Variants in RNF41 observed in about 807,000 individuals in gnomAD.
The protein encoded by RNF41 is E3 ubiquitin-protein ligase NRDP1.
RNF41 carries 4 observed loss-of-function variants against 33.0 expected under a neutral mutation model. The observed-to-expected ratio is 0.12, with a 90% CI of 0.06 to 0.28. RNF41 has a LOEUF of 0.28. Ranked by LOEUF, RNF41 falls within the 10% of genes least tolerant of loss-of-function variation. The pLI, the probability that RNF41 is intolerant of heterozygous loss-of-function variation, is 1.00. For synonymous variants in RNF41, 164 were observed against 153.2 expected, an observed-to-expected ratio of 1.07 and a Z score of -0.52; for missense variants, 228 against 432.6, an observed-to-expected ratio of 0.53 and a Z score of 4.19.
Position 56,213,673 on chromosome 12 carries a change from A to G in RNF41, c.90+285T>C, listed in dbSNP as rs923038143. On this transcript the variant is annotated intron_variant, in intron 3 of 6. Transcript: ENST00000345093. The stretch of plus-strand genomic sequence containing the variant: ...GAGGAAAGGAAGCTACCCAGCTACT[A>G]TCACAAGACAGAAACAAGCAGCTGA... Among the ~76,000 whole-genome samples, 7 of 152,320 alleles carry G rather than the reference A, an allele frequency of 4.6e-5. No individual in the cohort carries two copies. In the South Asian group the frequency reaches 8.3e-4, roughly 18 times the overall value.
intron 3 of RNF41, among the ~76,000 whole-genome samples, chr12:56,212,794 GGGAGTTA>G (rs1346088379): frequency 6.6e-6 from 1 of 152,174 alleles, no homozygotes; most frequent in Non-Finnish European, 1.5e-5. Context: ...GGGAGCCCCT[GGGAGTTA>G]GGTGAGCAGT....
intron 1 of RNF41, among the ~76,000 whole-genome samples, chr12:56,221,220 G>T (rs1352503764): frequency 6.6e-6 from 1 of 152,116 alleles, no homozygotes; most frequent in Non-Finnish European, 1.5e-5. Context: ...CTGCCAGAGA[G>T]CCAGGCTGCA....
Position 56,205,401 on chromosome 12 carries a change from C to T in RNF41, c.*1046G>A, listed in dbSNP as rs1422177418. ...AAAAATATAAAACACACCCCCATCCCTGTCCCACCCTATCCAGAACCCCCA... is the reference window on the plus strand; with the variant it reads ...AAAAATATAAAACACACCCCCATCCTTGTCCCACCCTATCCAGAACCCCCA... On this transcript the variant is annotated 3_prime_UTR_variant, in exon 7 of 7. Transcript: ENST00000345093. 1.3e-5 allele frequency: 2 copies of T among 152,032 alleles called. No individual in the cohort carries two copies. Among genetic ancestry groups the T allele is most frequent in the African/African-American group, 4.8e-5 (2 of 41,392 alleles). 9.4% of individuals were successfully genotyped at this position (152,032 alleles called of 1,614,324 possible).
rs1868310450 is a variant in RNF41, at chr12:56,208,158, C to T, written c.498+5G>A. ...ATATGTTCTCCCCCGTGTCTTGGGG[C>T]CTACCTGCTCCGCCAGCTGGTGTTT... On this transcript the variant is annotated splice_donor_5th_base_variant and intron_variant, in intron 5 of 6. Coordinates refer to ENST00000345093, the MANE Select transcript of RNF41 (RefSeq NM_005785.4). 1.2e-6 allele frequency: 2 copies of T among 1,614,166 alleles called. No homozygotes were observed. Among genetic ancestry groups the T allele is most frequent in the South Asian group, 1.1e-5 (1 of 91,082 alleles).
intron 3 of RNF41, among the ~76,000 whole-genome samples, chr12:56,211,291 C>G (rs1388017090): frequency 6.6e-6 from 1 of 151,928 alleles, no homozygotes; most frequent in Non-Finnish European, 1.5e-5. Context: ...TGAACCAAGA[C>G]TGCACCACTG....
rs1457922262 is a variant in RNF41, at chr12:56,206,710, G to A, written c.691C>T (p.Arg231Cys). ...PDAVLQAVIK[R>C]SLVESGCPAS... ...GGACAGCCACTCTCCACCAGGGAGC[G>A]CTTGATTACAGCCTGGAGCACAGCA... Residue 231 changes from arginine to cysteine, a missense_variant, in exon 7 of 7, where the codon CGC becomes TGC. This residue lies in a region of RNF41 where 199 missense variants were observed against 334.6 expected (regional missense o/e 0.59). Coordinates refer to ENST00000345093, the MANE Select transcript of RNF41 (RefSeq NM_005785.4). This position sits in a 1 kb window ranked among gnomAD's most constrained non-coding sequence, Gnocchi z 5.7. 5 of 1,614,078 alleles carry A rather than the reference G, an allele frequency of 3.1e-6. No individual in the cohort carries two copies. Among genetic ancestry groups the A allele is most frequent in the South Asian group, 1.1e-5 (1 of 91,078 alleles).
chr12:56,211,711 G>A (rs935523649), intron 3 of RNF41, among the ~76,000 whole-genome samples: 4 of 152,128 alleles, frequency 2.6e-5, no homozygotes, highest in Non-Finnish European at 2.9e-5. Context: ...GGTGGATGGC[G>A]CCTGTAATCC....
intron 1 of RNF41, 180 bp downstream of exon 1, chr12:56,221,580 C>A: frequency 6.5e-6 from 1 of 152,674 alleles, no homozygotes; most frequent in South Asian, 2.1e-4. Context: ...TCTCCAGAGC[C>A]CCCTTCTCAC....
At chr12:56,219,907 C>T (rs1477539035) in intron 1 of RNF41, among the ~76,000 whole-genome samples, 1 of 151,670 alleles carries the variant, frequency 6.6e-6, no homozygotes, top group Non-Finnish European at 1.5e-5. Context: ...GTCCCGGCTA[C>T]TGAGGAGGCT....
intron 6 of RNF41, chr12:56,207,024 GTTAC>G (rs1200458289): frequency 8.4e-7 from 1 of 1,185,392 alleles, no homozygotes; most frequent in African/African-American, 1.5e-5. Context: ...CTCTGTCTCT[GTTAC>G]TTTTCTTTGA....
chr12:56,217,669 C>A lies in RNF41; in HGVS notation c.-208-1056G>T, dbSNP rs373976073. Among the ~76,000 whole-genome samples, 5 of 152,298 alleles carry A rather than the reference C, an allele frequency of 3.3e-5. No individual in the cohort carries two copies. In the South Asian group the frequency reaches 1.0e-3, roughly 32 times the overall value. ...GACTGTGGCCTATCAGGAACCGGGT[C>A]GTACAGCAGGAGGTGAGCAGGAAAC... On this transcript the variant is annotated intron_variant, in intron 1 of 6. Transcript: ENST00000345093.
In RNF41 at chr12:56,206,423, T is replaced by C; in HGVS notation, c.*24A>G. On this transcript the variant is annotated 3_prime_UTR_variant, in exon 7 of 7. Transcript: ENST00000345093. This position sits in a 1 kb window ranked among gnomAD's most constrained non-coding sequence, Gnocchi z 5.7. Reference sequence around the variant, plus strand: ...GATGGGATTTTCTGATTTCCATCTCTTCCTGATAGCCAGTCGAGTTCTCTT... The same window carrying C: ...GATGGGATTTTCTGATTTCCATCTCCTCCTGATAGCCAGTCGAGTTCTCTT... 1 of 1,573,428 alleles carries C rather than the reference T, an allele frequency of 6.4e-7. No individual in the cohort carries two copies. Among genetic ancestry groups the C allele is most frequent in the Non-Finnish European group, 8.7e-7 (1 of 1,154,426 alleles).
rs1347877372 is a variant in RNF41, at chr12:56,204,135, TA to T, written c.*2311del. On this transcript the variant is annotated 3_prime_UTR_variant, in exon 7 of 7. Coordinates refer to ENST00000345093, the MANE Select transcript of RNF41 (RefSeq NM_005785.4). ...CTGCCTGCAAAGGAATTCTAGATTC[TA>T]AAGCAAAGTTGCTTGTGGGACAAAG... 1 of 152,230 alleles carries T rather than the reference TA, an allele frequency of 6.6e-6. No individual in the cohort carries two copies. Among genetic ancestry groups the T allele is most frequent in the Non-Finnish European group, 1.5e-5 (1 of 68,048 alleles). 9.4% of individuals were successfully genotyped at this position (152,230 alleles called of 1,614,324 possible).
intron 2 of RNF41, among the ~76,000 whole-genome samples, chr12:56,214,880 A>G (rs1868759117): frequency 6.6e-6 from 1 of 152,166 alleles, no homozygotes. Flanking sequence ...GACATTATAT[A>G]AGCACACATT....
intron 1 of RNF41, among the ~76,000 whole-genome samples, chr12:56,218,095 A>G (rs1354006672): frequency 6.6e-6 from 1 of 152,024 alleles, no homozygotes; most frequent in Non-Finnish European, 1.5e-5. Flanking sequence ...CTAGGATTAC[A>G]GGCACCCACC....
chr12:56,206,359 A>T lies in RNF41; in HGVS notation c.*88T>A. ...TGGCTCAGGTATAAGCCACAGTATT[A>T]AGAATGGTGGGTAGGACTCAGGTCC... On this transcript the variant is annotated 3_prime_UTR_variant, in exon 7 of 7. Coordinates refer to ENST00000345093, the MANE Select transcript of RNF41 (RefSeq NM_005785.4). The surrounding 1 kb of genome is among the most constrained non-coding windows in gnomAD (Gnocchi z 5.7). 1.7e-6 allele frequency: 2 copies of T among 1,146,106 alleles called. No individual in the cohort carries two copies. The highest frequency in any genetic ancestry group is 2.5e-6 in the Non-Finnish European group (2 of 792,114). 71.0% of individuals were successfully genotyped at this position (1,146,106 alleles called of 1,614,324 possible). A position where few individuals can be genotyped will look rare whatever the true frequency, so the allele number is the denominator to read the frequency against.
Position 56,207,500 on chromosome 12 carries a change from G to A in RNF41, c.602+146C>T. 1.4e-5 allele frequency: 11 copies of A among 769,686 alleles called. No individual in the cohort carries two copies. The South Asian group carries it at 1.6e-4, about 11-fold the overall frequency. The allele number at this position is 769,686 out of a possible 1,614,324, so 47.7% of individuals were successfully genotyped here. ...GCTAAGGGTTATCCTCTTCTCCTCT[G>A]CCCCTGTCCTTAATGCCAATATCTG... On this transcript the variant is annotated intron_variant, in intron 6 of 6. Coordinates refer to ENST00000345093, the MANE Select transcript of RNF41 (RefSeq NM_005785.4).
chr12:56,221,401 C>G (rs1869419668), intron 1 of RNF41, among the ~76,000 whole-genome samples: 1 of 152,170 alleles, frequency 6.6e-6, no homozygotes, highest in Non-Finnish European at 1.5e-5. Flanking sequence ...CCTGCCCAGG[C>G]TGGCCCCCGG....
chr12:56,206,744 C>G lies in RNF41; in HGVS notation c.657G>C (p.Ser219=). 1.2e-6 allele frequency: 2 copies of G among 1,614,106 alleles called. No homozygotes were observed. The highest frequency in any genetic ancestry group is 1.6e-4 in the Middle Eastern group (1 of 6,062). ...ARVTRWGGMI[S]TPDAVLQAVI... is the part of the protein sequence containing the mutation. ...CAGCCTGGAGCACAGCATCAGGAGTCGAGATCATCCCTCCCCAGCGGGTCA... is the reference window on the plus strand; with the variant it reads ...CAGCCTGGAGCACAGCATCAGGAGTGGAGATCATCCCTCCCCAGCGGGTCA... The change falls in exon 7 of 7, where the codon TCG becomes TCC. Residue 219 remains serine (S), a synonymous_variant. Transcript: ENST00000345093. The surrounding 1 kb of genome is among the most constrained non-coding windows in gnomAD (Gnocchi z 5.7).
Sources: gnomAD v4.1 joint callset for allele counts (sites outside exome capture counted in the v4.1 genomes callset) on GRCh38, gnomAD v4.1.1 for gene constraint, gnomAD v4.1.1 regional missense constraint, Gnocchi (gnomAD v3.1) non-coding constraint, MANE v1.5 for transcripts, NCBI Gene and HGNC (gene_info 2026-07-23, HGNC 2026-07-21) for gene names.